The following SRGAP2 variants were observed in gnomAD, a reference collection of about 807,000 sequenced individuals.
SRGAP2 encodes the protein SLIT-ROBO Rho GTPase activating protein 2.
In SRGAP2, 15 loss-of-function variants were observed where a neutral mutation model predicts 57.2. The ratio of observed to expected loss-of-function variants is 0.26; its 90% CI spans 0.18 to 0.40. The LOEUF is 0.40. SRGAP2 is among the 10% of genes least tolerant of loss of function. The pLI is 1.00. For synonymous variants in SRGAP2, 249 were observed against 248.0 expected (o/e 1.00, Z -0.04); for missense variants, 520 against 669.6 (o/e 0.78, Z 2.47).
At chr1:206,287,763 G>C (rs1349593325) in intron 2 of SRGAP2, among the ~76,000 whole-genome samples, 1 of 79,666 alleles carries the variant, frequency 1.3e-5, no homozygotes, top group Non-Finnish European at 2.2e-5. Flanking sequence ...GAGAAGGGAA[G>C]AGATCAAGGA....
chr1:206,402,392 C>T (rs1333329793), intron 8 of SRGAP2, among the ~76,000 whole-genome samples: 5 of 152,134 alleles, frequency 3.3e-5, no homozygotes, highest in Admixed American at 6.5e-5. Flanking sequence ...AGGAGAAGCT[C>T]CTCGGTTTTC....
chr1:206,449,456 T>C (rs1179948505), intron 18 of SRGAP2, among the ~76,000 whole-genome samples: 4 of 151,292 alleles, frequency 2.6e-5, no homozygotes, highest in South Asian at 4.2e-4. Context: ...GCTTTTTTTT[T>C]TTTTTTCTTT....
At chr1:206,241,120 G>A (rs532844819) in intron 2 of SRGAP2, among the ~76,000 whole-genome samples, 19 of 152,294 alleles carry the variant, frequency 1.2e-4, no homozygotes, top group Non-Finnish European at 2.2e-4. Flanking sequence ...GAAGGTCGAG[G>A]CTACGGTGAG....
intron 2 of SRGAP2, chr1:206,206,302 A>G (rs1665909597): frequency 2.2e-6 from 1 of 460,034 alleles, no homozygotes; most frequent in Non-Finnish European, 3.9e-6. Context: ...TTCCCCCCCA[A>G]GCCGGACAGG....
At chr1:206,433,256 G>A (rs1000742423) in intron 14 of SRGAP2, among the ~76,000 whole-genome samples, 2 of 152,102 alleles carry the variant, frequency 1.3e-5, no homozygotes, top group Non-Finnish European at 2.9e-5. Context: ...AAAAGAATGG[G>A]GCAATGGGAA....
chr1:206,461,737 C>T lies in SRGAP2; in HGVS notation c.*317C>T. ...TAAGGCAGTCCTGAGGACATGGGCT[C>T]AAGTCTCAGTCCCCTCAGACCACGG... On this transcript the variant is annotated 3_prime_UTR_variant, in exon 23 of 23. Coordinates refer to ENST00000573034, the MANE Select transcript of SRGAP2 (RefSeq NM_015326.5). 1 of 276,250 alleles carries T rather than the reference C, an allele frequency of 3.6e-6. No individual in the cohort carries two copies. Among genetic ancestry groups the T allele is most frequent in the South Asian group, 8.2e-5 (1 of 12,266 alleles). The allele number at this position is 276,250 out of a possible 1,614,324, so 17.1% of individuals were successfully genotyped here.
chr1:206,358,553 CA>C (rs1462976838), intron 4 of SRGAP2, among the ~76,000 whole-genome samples: 2 of 151,436 alleles, frequency 1.3e-5, no homozygotes, highest in African/African-American at 4.9e-5. Flanking sequence ...TGCCTCTTCC[CA>C]TGACCTTGTT....
chr1:206,366,459 CT>C (rs1571970057), intron 4 of SRGAP2, among the ~76,000 whole-genome samples: 1 of 152,084 alleles, frequency 6.6e-6, no homozygotes, highest in East Asian at 1.9e-4. Flanking sequence ...TGACCTGCAG[CT>C]CCACACATGC....
chr1:206,224,200 C>G (rs1474492342), intron 2 of SRGAP2, among the ~76,000 whole-genome samples: 2 of 151,554 alleles, frequency 1.3e-5, no homozygotes, highest in Non-Finnish European at 2.9e-5. Context: ...TAAGACAACA[C>G]AGAACTCAGA....
chr1:206,322,611 C>T (rs1249657378), intron 3 of SRGAP2, among the ~76,000 whole-genome samples: 1 of 139,028 alleles, frequency 7.2e-6, no homozygotes, highest in Non-Finnish European at 1.5e-5. Context: ...ATTACTAACC[C>T]ATGCCTCTGA....
intron 2 of SRGAP2, among the ~76,000 whole-genome samples, chr1:206,240,981 C>T (rs1377279779): frequency 2.6e-5 from 4 of 152,104 alleles, no homozygotes; most frequent in African/African-American, 7.2e-5. Context: ...CCCAGGAGTT[C>T]GAGAGCAGCC....
In SRGAP2 at chr1:206,304,513, CA is replaced by C. The variant is rs1672075822; in HGVS notation, c.260+1047del. 2.0e-5 allele frequency among the ~76,000 whole-genome samples: 3 copies of C among 151,332 alleles called. No homozygotes were observed. The South Asian group carries it at 6.3e-4, about 32-fold the overall frequency. On this transcript the variant is annotated intron_variant, in intron 3 of 22. Coordinates refer to ENST00000573034, the MANE Select transcript of SRGAP2 (RefSeq NM_015326.5). ...TAGCTGATGAGCTTAAAAAAAATTGCAAAAAAACCTCATAATATTTTAAGAA... is the reference window on the plus strand; with the variant it reads ...TAGCTGATGAGCTTAAAAAAAATTGCAAAAAACCTCATAATATTTTAAGAA...
In SRGAP2 at chr1:206,461,270, C is replaced by T; in HGVS notation, c.3066C>T (p.Phe1022=). The part of the protein sequence containing the change: ...ASTAGDIACA[F]RPVKSVKMAA... ...CTGCTGGGGACATCGCCTGCGCCTT[C>T]CGGCCTGTCAAGTCTGTCAAGATGG... Residue 1022 remains phenylalanine, a synonymous_variant, in exon 23 of 23, where the codon TTC becomes TTT. Coordinates refer to ENST00000573034, the MANE Select transcript of SRGAP2 (RefSeq NM_015326.5). 1.3e-6 allele frequency: 1 copy of T among 780,942 alleles called. No individual in the cohort carries two copies. The highest frequency in any genetic ancestry group is 1.3e-5 in the South Asian group (1 of 74,632). 48.4% of individuals were successfully genotyped at this position (780,942 alleles called of 1,614,324 possible).
At chr1:206,385,991 A>T (rs1656205760) in intron 5 of SRGAP2, among the ~76,000 whole-genome samples, 1 of 152,248 alleles carries the variant, frequency 6.6e-6, no homozygotes, top group South Asian at 2.1e-4. Context: ...GAAAAAAAAG[A>T]GTAGAGGCAC....
At chr1:206,267,204 G>A (rs555756430) in intron 2 of SRGAP2, among the ~76,000 whole-genome samples, 120 of 152,024 alleles carry the variant, frequency 7.9e-4, no homozygotes, top group African/African-American at 2.8e-3. Context: ...TCCTGACCTC[G>A]TGATCCGCCT....
intron 4 of SRGAP2, among the ~76,000 whole-genome samples, chr1:206,359,048 G>A (rs1553340047): frequency 6.6e-6 from 1 of 152,214 alleles, no homozygotes; most frequent in African/African-American, 2.4e-5. Context: ...TTGGGCCGAT[G>A]TTCTTTTAAT....
chr1:206,443,285 C>T (rs150912983), intron 17 of SRGAP2, among the ~76,000 whole-genome samples: 15 of 152,178 alleles, frequency 9.9e-5, no homozygotes, highest in East Asian at 3.9e-4. Flanking sequence ...GACTACAAGT[C>T]GACACCAAAA....
rs1231296607 is a variant in SRGAP2, at chr1:206,262,620, AT to A, written c.68-40659del. Among the ~76,000 whole-genome samples the A allele has an allele frequency of 4.4e-3, 646 of 148,282 alleles. 8 individuals are homozygous for A. The highest frequency in any genetic ancestry group is 0.015 in the African/African-American group (615 of 40,568). On this transcript the variant is annotated intron_variant, in intron 2 of 22. Transcript: ENST00000573034. ...CACTGTAAGAGACTGACTGGTGGAG[AT>A]TAAAAAAAAAAAAAGCTTGTCTGGC...
chr1:206,353,110 A>G (rs1292891777), intron 4 of SRGAP2, among the ~76,000 whole-genome samples: 5 of 152,136 alleles, frequency 3.3e-5, no homozygotes, highest in African/African-American at 1.2e-4. Flanking sequence ...TAATATCCAG[A>G]CAATCCCTGA....
Sources: gnomAD v4.1 joint callset for allele counts (sites outside exome capture counted in the v4.1 genomes callset) on GRCh38, gnomAD v4.1.1 for gene constraint, MANE v1.5 for transcripts, NCBI Gene and HGNC (gene_info 2026-07-23, HGNC 2026-07-21) for gene names.